Variants in GRIA4 observed in about 807,000 individuals in gnomAD.
GRIA4 encodes glutamate ionotropic receptor AMPA type subunit 4, also known as glutamate receptor 4.
Under a neutral mutation model 104.0 loss-of-function variants are expected in GRIA4, and 34 were observed. The ratio of observed to expected loss-of-function variants is 0.33; its 90% CI spans 0.25 to 0.44. The LOEUF is 0.44. GRIA4 is among the 20% of genes least tolerant of loss of function. The pLI is 1.00. For missense variants in GRIA4, 750 were observed against 1,096.5 expected, an observed-to-expected ratio of 0.68 and a Z score of 4.46; for synonymous variants, 386 against 381.9, an observed-to-expected ratio of 1.01 and a Z score of -0.13.
intron 12 of GRIA4, 80 bp from the exon 13 acceptor site, chr11:105,926,661 A>G (rs770922557): frequency 1.8e-4 from 152 of 836,474 alleles, no homozygotes; most frequent in Non-Finnish European, 2.7e-4. Flanking sequence ...TTAAATATGC[A>G]TGGTGAATTG....
intron 3 of GRIA4, among the ~76,000 whole-genome samples, chr11:105,631,587 GC>G (rs1365843924): frequency 6.6e-5 from 10 of 152,076 alleles, no homozygotes; most frequent in Admixed American, 3.3e-4. Flanking sequence ...CAAGTTATTT[GC>G]CCCTGTTAAT....
intron 7 of GRIA4, among the ~76,000 whole-genome samples, chr11:105,903,127 G>A (rs1172303944): frequency 1.3e-5 from 2 of 152,074 alleles, no homozygotes; most frequent in Admixed American, 1.3e-4. Context: ...TGGATCCTAG[G>A]TTATATTGAA....
chr11:105,933,684 T>G, intron 13 of GRIA4, 38 bp from the exon 14 acceptor site: 1 of 1,454,262 alleles, frequency 6.9e-7, no homozygotes, highest in Non-Finnish European at 9.3e-7. Context: ...TGTTGTTCCC[T>G]TCTTTCCTGT....
chr11:105,962,865 G>A (rs1009151624), intron 14 of GRIA4, among the ~76,000 whole-genome samples: 8 of 151,908 alleles, frequency 5.3e-5, no homozygotes, highest in African/African-American at 1.7e-4. Context: ...TACATTTAAC[G>A]CAATAAAGGG....
chr11:105,705,466 C>T (rs941859485), intron 3 of GRIA4, among the ~76,000 whole-genome samples: 4 of 151,988 alleles, frequency 2.6e-5, no homozygotes, highest in Admixed American at 6.6e-5. Context: ...TAAATAAAAT[C>T]GCAGACAATT....
chr11:105,644,623 T>G (rs1951472640), intron 3 of GRIA4, among the ~76,000 whole-genome samples: 1 of 151,862 alleles, frequency 6.6e-6, no homozygotes, highest in East Asian at 1.9e-4. Context: ...ATTAATTAAT[T>G]AAATAATTAA....
At chr11:105,862,338 A>C in intron 5 of GRIA4, 130 bp downstream of exon 5, 2 of 618,232 alleles carry the variant, frequency 3.2e-6, no homozygotes, top group South Asian at 4.0e-5. Context: ...TTTTCATTCC[A>C]TGACTATCTT....
At chr11:105,707,674 G>A (rs1219549488) in intron 3 of GRIA4, 3 of 152,216 alleles carry the variant, frequency 2.0e-5, no homozygotes, top group Non-Finnish European at 4.4e-5. Flanking sequence ...TAAGAATGCA[G>A]GTGTTGAAAG....
rs1289366423 is a variant in GRIA4, at chr11:105,912,718, A to G, written c.1269+2173A>G. 6 of 961,142 alleles carry G rather than the reference A, an allele frequency of 6.2e-6. No individual in the cohort carries two copies. In the East Asian group the frequency reaches 6.9e-4, roughly 110 times the overall value. 59.5% of individuals were successfully genotyped at this position (961,142 alleles called of 1,614,324 possible). A position where few individuals can be genotyped will look rare whatever the true frequency, so the allele number is the denominator to read the frequency against. On this transcript the variant is annotated intron_variant, in intron 10 of 16. Coordinates refer to ENST00000282499, the MANE Select transcript of GRIA4 (RefSeq NM_000829.4). ...AACTGCATAATCGTTCAGTAATTCAAAAAGACATACTAGAATCCTTTTTCT... is the reference window on the plus strand; with the variant it reads ...AACTGCATAATCGTTCAGTAATTCAGAAAGACATACTAGAATCCTTTTTCT...
At chr11:105,858,717 T>C (rs576475181) in intron 4 of GRIA4, among the ~76,000 whole-genome samples, 1 of 152,286 alleles carries the variant, frequency 6.6e-6, no homozygotes, top group African/African-American at 2.4e-5. Context: ...TAAGTTCAGT[T>C]GTTTTAACTT....
chr11:105,754,467 A>G (rs1209928027), intron 4 of GRIA4, among the ~76,000 whole-genome samples: 2 of 152,220 alleles, frequency 1.3e-5, no homozygotes, highest in Non-Finnish European at 2.9e-5. Context: ...AGGTTTGGCA[A>G]TAAGACTTCT....
rs1940095092 is a variant in GRIA4 at position 105,753,026 on chromosome 11, A to C, written c.293A>C (p.Tyr98Ser). ...GGAGTATTTGCCATTTTTGGACTCT[A>C]TGATAAGAGGTCGGTACATACCTTG... ...SRGVFAIFGL[Y>S]DKRSVHTLTS... Residue 98 changes from tyrosine to serine, a missense_variant, in exon 4 of 17, where the codon TAT becomes TCT. Physicochemically the swap from Tyr to Ser is moderately radical, Grantham distance 144. This residue lies in a region of GRIA4 where 410 missense variants were observed against 502.7 expected (regional missense o/e 0.82). Coordinates refer to ENST00000282499, the MANE Select transcript of GRIA4 (RefSeq NM_000829.4). 1 of 1,613,230 alleles carries C rather than the reference A, an allele frequency of 6.2e-7. No individual in the cohort carries two copies. The highest frequency in any genetic ancestry group is 8.5e-7 in the Non-Finnish European group (1 of 1,179,420).
chr11:105,811,010 A>C (rs1425044121), intron 4 of GRIA4, among the ~76,000 whole-genome samples: 1 of 152,192 alleles, frequency 6.6e-6, no homozygotes, highest in Admixed American at 6.5e-5. Context: ...GTAGTGCTAC[A>C]ATTTTTAGCA....
At chr11:105,856,510 G>C (rs2136003247) in intron 4 of GRIA4, among the ~76,000 whole-genome samples, 1 of 152,186 alleles carries the variant, frequency 6.6e-6, no homozygotes, top group African/African-American at 2.4e-5. Context: ...AGAGTTTCCT[G>C]AAGCCTCCAC....
intron 3 of GRIA4, among the ~76,000 whole-genome samples, chr11:105,701,054 T>C (rs1953471542): frequency 1.3e-5 from 2 of 152,198 alleles, no homozygotes; most frequent in Admixed American, 1.3e-4. Flanking sequence ...CCTCTATACT[T>C]GGTGAAACCT....
At chr11:105,666,644 G>A (rs1055787058) in intron 3 of GRIA4, among the ~76,000 whole-genome samples, 1 of 151,888 alleles carries the variant, frequency 6.6e-6, no homozygotes, top group African/African-American at 2.4e-5. Flanking sequence ...ATTTGGTGAT[G>A]TGTTGTTTTA....
chr11:105,703,530 T>A (rs944057483), intron 3 of GRIA4, among the ~76,000 whole-genome samples: 14 of 152,190 alleles, frequency 9.2e-5, no homozygotes, highest in Admixed American at 2.0e-4. Context: ...TACAATTTTT[T>A]AAATACACTC....
At chr11:105,852,025 GAAAT>G (rs758069465) in intron 4 of GRIA4, among the ~76,000 whole-genome samples, 1 of 152,162 alleles carries the variant, frequency 6.6e-6, no homozygotes, top group Admixed American at 6.5e-5. Flanking sequence ...AGTGAAAGAA[GAAAT>G]AAATAGAGAA....
At chr11:105,746,432 G>T (rs1939662801) in intron 3 of GRIA4, among the ~76,000 whole-genome samples, 1 of 150,302 alleles carries the variant, frequency 6.7e-6, no homozygotes, top group African/African-American at 2.4e-5. Context: ...TTTTTTAGAA[G>T]TGCACAGAGT....
Sources: allele counts gnomAD v4.1 joint callset (sites outside exome capture counted in the v4.1 genomes callset), GRCh38; gene constraint gnomAD v4.1.1; regional missense constraint gnomAD v4.1.1; transcripts MANE v1.5; gene names NCBI Gene and HGNC (gene_info 2026-07-23, HGNC 2026-07-21).